The following AFAP1L2 variants were observed in gnomAD, a reference collection of about 807,000 sequenced individuals.
AFAP1L2 encodes the protein actin filament-associated protein 1-like 2.
AFAP1L2 carries 46 observed loss-of-function variants against 99.3 expected under a neutral mutation model. The observed-to-expected ratio is 0.46, with a 90% CI of 0.37 to 0.59. The LOEUF is 0.59. Ranked by LOEUF, AFAP1L2 falls within the 20% of genes least tolerant of loss-of-function variation. The pLI, the probability that AFAP1L2 is intolerant of heterozygous loss-of-function variation, is 0.00. For missense variants in AFAP1L2, 959 were observed against 1,034.9 expected (o/e 0.93, Z 1.01); for synonymous variants, 397 against 419.1 (o/e 0.95, Z 0.64).
chr10:114,303,093 G>T (rs752451168), intron 11 of AFAP1L2, among the ~76,000 whole-genome samples: 2 of 152,034 alleles, frequency 1.3e-5, no homozygotes, highest in Non-Finnish European at 2.9e-5. Context: ...CTAATCAAAT[G>T]CATCCATTGG....
At position 114,401,980 on chromosome 10, in the gene AFAP1L2, G is replaced by A. The variant is rs1169732847; in HGVS notation, c.16+2460C>T. ...GAGGCATTTCCACCTACCTGAGAGA[G>A]GGAGAGCTCAAAATTGGAAGTACAG... is the stretch of plus-strand genomic sequence containing the variant. On this transcript the variant is annotated intron_variant, in intron 1 of 18. Coordinates refer to ENST00000304129, the MANE Select transcript of AFAP1L2 (RefSeq NM_001001936.3). Among the ~76,000 whole-genome samples, 7 of 152,320 alleles carry A rather than the reference G, an allele frequency of 4.6e-5. No individual in the cohort carries two copies. In the East Asian group the frequency reaches 1.4e-3, roughly 29 times the overall value.
chr10:114,342,225 G>C (rs2048923261), intron 1 of AFAP1L2, among the ~76,000 whole-genome samples: 1 of 152,186 alleles, frequency 6.6e-6, no homozygotes, highest in Non-Finnish European at 1.5e-5. Context: ...ACAACTGCCT[G>C]ACCATCACCT....
intron 7 of AFAP1L2, among the ~76,000 whole-genome samples, chr10:114,310,737 A>G (rs2043105647): frequency 6.6e-6 from 1 of 151,970 alleles, no homozygotes; most frequent in Admixed American, 6.5e-5. Flanking sequence ...AGATGACCAG[A>G]GCCACCAGCC....
rs546087080 is a variant in AFAP1L2, at chr10:114,296,346, G to A, written c.2431-278C>T. The A allele has an allele frequency of 6.4e-6, 3 of 466,408 alleles. No individual in the cohort carries two copies. In the South Asian group the frequency reaches 9.3e-5, roughly 14 times the overall value. The allele number at this position is 466,408 out of a possible 1,614,324, so 28.9% of individuals were successfully genotyped here. ...TGCATGGATTTATTGGTTAGCCATTGTTGTGGGACCTCCAAATATCTCCAG... is the reference window on the plus strand; with the variant it reads ...TGCATGGATTTATTGGTTAGCCATTATTGTGGGACCTCCAAATATCTCCAG... On this transcript the variant is annotated intron_variant, in intron 18 of 18. Coordinates refer to ENST00000304129, the MANE Select transcript of AFAP1L2 (RefSeq NM_001001936.3).
chr10:114,357,799 T>C (rs1298205197), intron 1 of AFAP1L2, among the ~76,000 whole-genome samples: 1 of 152,248 alleles, frequency 6.6e-6, no homozygotes, highest in Non-Finnish European at 1.5e-5. Flanking sequence ...ATCAGTGACA[T>C]TTTAGAATCA....
intron 4 of AFAP1L2, among the ~76,000 whole-genome samples, chr10:114,325,661 C>G (rs1564874836): frequency 6.6e-6 from 1 of 152,222 alleles, no homozygotes; most frequent in Non-Finnish European, 1.5e-5. Flanking sequence ...TCCTGCCTGG[C>G]AGCCAGGCCC....
At chr10:114,372,988 T>C (rs1040862216) in intron 1 of AFAP1L2, among the ~76,000 whole-genome samples, 21 of 152,246 alleles carry the variant, frequency 1.4e-4, no homozygotes, top group Non-Finnish European at 2.1e-4. Flanking sequence ...TTCCATGGAA[T>C]GGATGCAATG....
rs144324936 is a variant in AFAP1L2, at chr10:114,384,331, C to T, written c.16+20109G>A. Among the ~76,000 whole-genome samples, 15 of 151,788 alleles carry T rather than the reference C, an allele frequency of 9.9e-5. No individual in the cohort carries two copies. In the South Asian group the frequency reaches 1.7e-3, roughly 17 times the overall value. On this transcript the variant is annotated intron_variant, in intron 1 of 18. Transcript: ENST00000304129. ...ATGGCATCTTGTCTGTCGTCCCCCC[C>T]CCGCTGCAAGTGATGAACCAACTTC...
chr10:114,370,779 C>T (rs1237068961), intron 1 of AFAP1L2, among the ~76,000 whole-genome samples: 2 of 152,110 alleles, frequency 1.3e-5, no homozygotes, highest in African/African-American at 4.8e-5. Flanking sequence ...ACCTGTGCCC[C>T]GCTTCTGTAT....
intron 1 of AFAP1L2, chr10:114,362,992 C>T: frequency 6.1e-6 from 6 of 985,378 alleles, no homozygotes; most frequent in Non-Finnish European, 7.2e-6. Context: ...TGGTGGCAGC[C>T]CGACAGGTGG....
At chr10:114,288,960 C>T in the AFAP1L2 span, 21 of 1,611,496 alleles carry the variant, frequency 1.3e-5, 1 homozygote, top group African/African-American at 1.5e-4. Flanking sequence ...AAGCCCTGGA[C>T]CTCGTCTTCA....
intron 1 of AFAP1L2, among the ~76,000 whole-genome samples, chr10:114,360,831 T>C (rs2052291414): frequency 6.6e-6 from 1 of 152,194 alleles, no homozygotes; most frequent in Admixed American, 6.5e-5. Context: ...ATCTTGGGGT[T>C]GAGGGTCAGA....
At chr10:114,337,838 A>G (rs2048212576) in intron 2 of AFAP1L2, among the ~76,000 whole-genome samples, 3 of 152,042 alleles carry the variant, frequency 2.0e-5, no homozygotes, top group Non-Finnish European at 4.4e-5. Flanking sequence ...TGGTGTGGGG[A>G]GTGTACTTTT....
intron 10 of AFAP1L2, among the ~76,000 whole-genome samples, chr10:114,306,164 TGGGGCTGCAGGAGGGAGC>T (rs1249454486): frequency 1.5e-4 from 5 of 32,918 alleles, no homozygotes; most frequent in Admixed American, 4.2e-4. Flanking sequence ...CAGGACGGGA[TGGGGCTGCAGGAGGGAGC>T]GGGGCTGCAG....
chr10:114,310,310 A>C (rs768342148), intron 8 of AFAP1L2, 44 bp downstream of exon 8: 2 of 1,556,862 alleles, frequency 1.3e-6, no homozygotes, highest in East Asian at 4.5e-5. Flanking sequence ...TTTACAGAGA[A>C]AACATGGAAG....
intron 1 of AFAP1L2, among the ~76,000 whole-genome samples, chr10:114,370,221 ATAAT>A (rs1412179016): frequency 6.6e-6 from 1 of 152,242 alleles, no homozygotes; most frequent in African/African-American, 2.4e-5. Context: ...TGAGGAGCTC[ATAAT>A]TAAAGTATCC....
At position 114,340,670 on chromosome 10, in the gene AFAP1L2, C is replaced by T; in HGVS notation, c.78G>A (p.Leu26=). The change falls in exon 2 of 19, where the codon CTG becomes CTA. Residue 26 remains leucine (L), a synonymous_variant. Transcript: ENST00000304129. ...TCTTCTTCACCAGTGCTGTGCTGCT[C>T]AGGTTCTCCTGGTCAAGAATCTTGA... ...DFLKILDQEN[L]SSTALVKKSC... is the part of the protein sequence containing the mutation. The T allele has an allele frequency of 6.2e-7, 1 of 1,614,220 alleles. No individual in the cohort carries two copies. Among genetic ancestry groups the T allele is most frequent in the Non-Finnish European group, 8.5e-7 (1 of 1,180,040 alleles).
rs543976149 is a variant in AFAP1L2 at position 114,361,305 on chromosome 10, G to A, written c.17-20574C>T. 1.1e-3 allele frequency among the ~76,000 whole-genome samples: 166 copies of A among 152,190 alleles called. 1 individual carries two copies. Among genetic ancestry groups the A allele is most frequent in the African/African-American group, 3.9e-3 (160 of 41,526 alleles). On this transcript the variant is annotated intron_variant, in intron 1 of 18. Coordinates refer to ENST00000304129, the MANE Select transcript of AFAP1L2 (RefSeq NM_001001936.3). ...CTTCTGGTGGAATCACAGGACCAAGGGTCAGAAAATCAACATGAGCAGAAA... is the reference window on the plus strand; with the variant it reads ...CTTCTGGTGGAATCACAGGACCAAGAGTCAGAAAATCAACATGAGCAGAAA...
intron 1 of AFAP1L2, among the ~76,000 whole-genome samples, chr10:114,364,280 G>C (rs1041655087): frequency 1.3e-5 from 2 of 152,208 alleles, no homozygotes; most frequent in Admixed American, 1.3e-4. Flanking sequence ...GCCCAGGACT[G>C]ACGCAACAAT....
Sources: gnomAD v4.1 joint callset for allele counts (sites outside exome capture counted in the v4.1 genomes callset) on GRCh38, gnomAD v4.1.1 for gene constraint, MANE v1.5 for transcripts, NCBI Gene and HGNC (gene_info 2026-07-23, HGNC 2026-07-21) for gene names.